FBLN5: variants seen among roughly 807,000 people sequenced by gnomAD.
FBLN5 encodes the protein fibulin-5.
Under a neutral mutation model 61.6 loss-of-function variants are expected in FBLN5, and 24 were observed. The observed-to-expected ratio is 0.39, with a 90% CI of 0.28 to 0.55. The LOEUF is 0.55. Among genes scored for constraint, FBLN5 ranks in the 20% least tolerant of loss-of-function variants. FBLN5 has a pLI of 0.65. For synonymous variants in FBLN5, 213 were observed against 219.8 expected, an observed-to-expected ratio of 0.97 and a Z score of 0.27; for missense variants, 470 against 594.1, an observed-to-expected ratio of 0.79 and a Z score of 2.17.
chr14:91,889,623 G>A (rs1188385746), intron 6 of FBLN5, among the ~76,000 whole-genome samples: 3 of 152,194 alleles, frequency 2.0e-5, no homozygotes. Flanking sequence ...TATTATTTGG[G>A]TTCAGTGAGA....
chr14:91,895,879 A>C (rs536141671), intron 4 of FBLN5, among the ~76,000 whole-genome samples: 1 of 151,650 alleles, frequency 6.6e-6, no homozygotes, highest in Non-Finnish European at 1.5e-5. Context: ...ACCCGTGAAA[A>C]TCTTTCGGTC....
At chr14:91,880,272 G>A (rs1334318729) in intron 9 of FBLN5, among the ~76,000 whole-genome samples, 1 of 152,194 alleles carries the variant, frequency 6.6e-6, no homozygotes, top group African/African-American at 2.4e-5. Flanking sequence ...GAGCTTGCCA[G>A]AAAGGCGGAA....
intron 4 of FBLN5, among the ~76,000 whole-genome samples, chr14:91,906,287 C>A (rs1428758274): frequency 6.6e-6 from 1 of 152,192 alleles, no homozygotes; most frequent in Non-Finnish European, 1.5e-5. Flanking sequence ...CTCCTCATCT[C>A]TAGGAGACGA....
chr14:91,896,670 C>A (rs1162334112), intron 4 of FBLN5, among the ~76,000 whole-genome samples: 1 of 152,172 alleles, frequency 6.6e-6, no homozygotes, highest in East Asian at 1.9e-4. Context: ...TCTAAGTCTA[C>A]TCCGTGCAGG....
At chr14:91,874,137 GCGGGGTGAGATGAAGCT>G (rs2139944052) in intron 10 of FBLN5, 1 of 152,496 alleles carries the variant, frequency 6.6e-6, no homozygotes, top group South Asian at 2.1e-4. Flanking sequence ...TGGTTTGCCT[GCGGGGTGAGATGAAGCT>G]CCTCCCATGT....
At chr14:91,887,132 C>T in intron 7 of FBLN5, 61 bp downstream of exon 7, 1 of 1,596,998 alleles carries the variant, frequency 6.3e-7, no homozygotes, top group Non-Finnish European at 8.6e-7. Flanking sequence ...AAGCCCTTGC[C>T]CTTCAACCCC....
At chr14:91,870,459 CT>C in intron 10 of FBLN5, 74 bp from the exon 11 acceptor site, 1 of 1,487,966 alleles carries the variant, frequency 6.7e-7, no homozygotes, top group South Asian at 1.1e-5. Context: ...TGGGCGCTCC[CT>C]TGCCTCCGTC....
At chr14:91,944,117 G>A (rs1360432575) in intron 1 of FBLN5, among the ~76,000 whole-genome samples, 3 of 152,174 alleles carry the variant, frequency 2.0e-5, no homozygotes, top group African/African-American at 7.2e-5. Context: ...GTCACCTGAG[G>A]TCAGGAGTTC....
chr14:91,912,274 A>G (rs938530752), intron 4 of FBLN5, among the ~76,000 whole-genome samples: 1 of 152,202 alleles, frequency 6.6e-6, no homozygotes, highest in African/African-American at 2.4e-5. Context: ...AGGTGTGAGG[A>G]TCACGTGAGG....
intron 1 of FBLN5, among the ~76,000 whole-genome samples, chr14:91,944,997 G>A (rs1404287590): frequency 2.6e-5 from 4 of 152,302 alleles, no homozygotes; most frequent in South Asian, 2.1e-4. Flanking sequence ...TTGGGAGGCC[G>A]AGGTGGGTGG....
At chr14:91,894,819 C>CCA in intron 5 of FBLN5, 131 bp downstream of exon 5, 4 of 476,256 alleles carry the variant, frequency 8.4e-6, no homozygotes, top group Non-Finnish European at 4.2e-6. Flanking sequence ...CAATAGCCTT[C>CCA]CACCCCTCCC....
At chr14:91,917,404 T>C (rs1450674015) in intron 4 of FBLN5, among the ~76,000 whole-genome samples, 2 of 151,762 alleles carry the variant, frequency 1.3e-5, no homozygotes, top group African/African-American at 4.8e-5. Flanking sequence ...TAGTGAAACA[T>C]GTCTCCACTA....
intron 4 of FBLN5, among the ~76,000 whole-genome samples, chr14:91,923,299 C>A (rs1280974602): frequency 1.3e-5 from 2 of 152,210 alleles, no homozygotes; most frequent in African/African-American, 2.4e-5. Flanking sequence ...AACCAGTGTT[C>A]ACAGAATAAA....
intron 9 of FBLN5, among the ~76,000 whole-genome samples, chr14:91,879,683 T>C (rs950458521): frequency 2.0e-5 from 3 of 152,226 alleles, no homozygotes; most frequent in Admixed American, 6.5e-5. Context: ...AGCCCTGTTC[T>C]AAAGGGTTGC....
chr14:91,907,789 A>G (rs187988616), intron 4 of FBLN5, among the ~76,000 whole-genome samples: 1 of 152,152 alleles, frequency 6.6e-6, no homozygotes, highest in Non-Finnish European at 1.5e-5. Flanking sequence ...CCTCTCCTGC[A>G]TGTGGGAACT....
At chr14:91,918,576 G>A (rs2055669885) in intron 4 of FBLN5, among the ~76,000 whole-genome samples, 1 of 152,198 alleles carries the variant, frequency 6.6e-6, no homozygotes, top group Admixed American at 6.5e-5. Flanking sequence ...ACCTACTGGG[G>A]CCAAACAAGG....
rs752579463 is a variant in FBLN5 at position 91,882,979 on chromosome 14, C to G, written c.837G>C (p.Leu279=). Residue 279 remains leucine (L), a synonymous_variant, in exon 8 of 11, where the codon CTG becomes CTC. Coordinates refer to ENST00000342058, the MANE Select transcript of FBLN5 (RefSeq NM_006329.4). The surrounding 1 kb of genome is among the most constrained non-coding windows in gnomAD (Gnocchi z 4.9). ...CTTGGCAGCTTCGGTTGTCATCCAG[C>G]AGGATGTAGCCTGGAGGGCAGGAGC... is the stretch of plus-strand genomic sequence containing the variant. The part of the protein sequence containing the change: ...YFCSCPPGYI[L]LDDNRSCQDI... The G allele has an allele frequency of 6.2e-6, 10 of 1,614,094 alleles. No homozygotes were observed. The highest frequency in any genetic ancestry group is 1.7e-4 in the Middle Eastern group (1 of 6,060).
intron 4 of FBLN5, among the ~76,000 whole-genome samples, chr14:91,926,215 CA>C (rs1277460482): frequency 6.6e-6 from 1 of 152,182 alleles, no homozygotes; most frequent in Non-Finnish European, 1.5e-5. Flanking sequence ...AGCCTGTGGG[CA>C]CCTGCCTGCC....
rs2140047938 is a variant in FBLN5, at chr14:91,937,159, T to G, written c.167A>C (p.Asp56Ala). Reference protein sequence around the residue: ...CRTIPEACRGDMMCVNQNGGY... With the variant: ...CRTIPEACRGAMMCVNQNGGY... The stretch of plus-strand genomic sequence containing the variant: ...GCCATTTTGGTTAACACACATCATG[T>G]CTCCTCGGCAGGCCTCGGGGATGGT... The change falls in exon 4 of 11, where the codon GAC (aspartate) becomes GCC (alanine). Residue 56 changes from aspartate to alanine, a missense_variant. Asp to Ala is a moderately radical substitution (Grantham distance 126). Transcript: ENST00000342058. The G allele has an allele frequency of 6.2e-7, 1 of 1,614,032 alleles. No homozygotes were observed. The highest frequency in any genetic ancestry group is 8.5e-7 in the Non-Finnish European group (1 of 1,179,984).
Sources: allele counts gnomAD v4.1 joint callset (sites outside exome capture counted in the v4.1 genomes callset), GRCh38; gene constraint gnomAD v4.1.1; non-coding constraint Gnocchi (gnomAD v3.1); transcripts MANE v1.5; gene names NCBI Gene and HGNC (gene_info 2026-07-23, HGNC 2026-07-21).